The following GABRB1 variants were observed in gnomAD, a reference collection of about 807,000 sequenced individuals.
GABRB1 encodes the protein gamma-aminobutyric acid type A receptor subunit beta1, also known as gamma-aminobutyric acid receptor subunit beta-1.
In GABRB1, 17 loss-of-function variants were observed where a neutral mutation model predicts 51.6. The observed-to-expected ratio is 0.33, with a 90% CI of 0.23 to 0.49. GABRB1 has a LOEUF of 0.49. Ranked by LOEUF, GABRB1 falls within the 20% of genes least tolerant of loss-of-function variation. GABRB1 has a pLI of 0.99. For missense variants in GABRB1, 410 were observed against 600.6 expected, an observed-to-expected ratio of 0.68 and a Z score of 3.32; for synonymous variants, 247 against 218.9, an observed-to-expected ratio of 1.13 and a Z score of -1.14.
At chr4:47,113,283 G>A (rs973708360) in intron 3 of GABRB1, among the ~76,000 whole-genome samples, 3 of 151,910 alleles carry the variant, frequency 2.0e-5, no homozygotes, top group African/African-American at 7.3e-5. Context: ...CTACTCCAGA[G>A]GCTGAGGAAG....
chr4:47,018,349 G>A (rs1007369324), intron 1 of GABRB1, among the ~76,000 whole-genome samples: 1 of 151,960 alleles, frequency 6.6e-6, no homozygotes, highest in African/African-American at 2.4e-5. Context: ...ACCATGCCTG[G>A]CCTTCTTTTC....
chr4:47,264,856 G>T (rs1404014512), intron 4 of GABRB1, among the ~76,000 whole-genome samples: 1 of 152,096 alleles, frequency 6.6e-6, no homozygotes, highest in East Asian at 1.9e-4. Flanking sequence ...TCTGCTTTTT[G>T]TCACTATAAA....
chr4:47,324,936 T>C (rs1725205659), intron 5 of GABRB1, among the ~76,000 whole-genome samples: 1 of 152,212 alleles, frequency 6.6e-6, no homozygotes, highest in South Asian at 2.1e-4. Flanking sequence ...TCTATTCTAC[T>C]TGCAAAATAT....
chr4:47,368,198 C>T (rs1316266915), intron 5 of GABRB1, among the ~76,000 whole-genome samples: 1 of 152,152 alleles, frequency 6.6e-6, no homozygotes, highest in Non-Finnish European at 1.5e-5. Flanking sequence ...GTATATGCAG[C>T]CTAACTAGGA....
chr4:47,273,085 C>T (rs1320969761), intron 4 of GABRB1, among the ~76,000 whole-genome samples: 1 of 152,050 alleles, frequency 6.6e-6, no homozygotes, highest in East Asian at 1.9e-4. Context: ...AGGAAAAAAG[C>T]CAAAAGACAA....
intron 4 of GABRB1, among the ~76,000 whole-genome samples, chr4:47,246,623 G>T (rs1193306054): frequency 2.0e-5 from 3 of 151,388 alleles, no homozygotes; most frequent in Non-Finnish European, 3.0e-5. Flanking sequence ...CACAGTGGTT[G>T]TACTAGTTTA....
At chr4:47,222,129 A>G (rs934224369) in intron 4 of GABRB1, among the ~76,000 whole-genome samples, 4 of 152,176 alleles carry the variant, frequency 2.6e-5, no homozygotes, top group Non-Finnish European at 5.9e-5. Context: ...AAAGCAAAGC[A>G]TCATCTCCAT....
intron 3 of GABRB1, among the ~76,000 whole-genome samples, chr4:47,117,741 A>G (rs149074939): frequency 9.8e-5 from 15 of 152,328 alleles, no homozygotes; most frequent in African/African-American, 3.4e-4. Context: ...ATCTTTTTAT[A>G]TAATAAAGGT....
At chr4:47,093,456 C>T (rs1395461687) in intron 3 of GABRB1, among the ~76,000 whole-genome samples, 1 of 152,126 alleles carries the variant, frequency 6.6e-6, no homozygotes, top group Non-Finnish European at 1.5e-5. Flanking sequence ...TCTCCTCCTC[C>T]CCAAAACAAA....
intron 8 of GABRB1, among the ~76,000 whole-genome samples, chr4:47,412,556 C>A (rs1163611880): frequency 6.6e-6 from 1 of 152,108 alleles, no homozygotes; most frequent in Non-Finnish European, 1.5e-5. Flanking sequence ...TACATGTAAT[C>A]TTTAAAGGAG....
chr4:47,406,412 T>G (rs1728569181), intron 7 of GABRB1, among the ~76,000 whole-genome samples: 1 of 152,262 alleles, frequency 6.6e-6, no homozygotes, highest in Non-Finnish European at 1.5e-5. Flanking sequence ...CTTTTCCATC[T>G]GCTTTTGTTT....
At chr4:47,102,464 G>A (rs1714765437) in intron 3 of GABRB1, among the ~76,000 whole-genome samples, 1 of 151,976 alleles carries the variant, frequency 6.6e-6, no homozygotes, top group Admixed American at 6.6e-5. Context: ...ATATATGAAA[G>A]GGAAGAGTGC....
At chr4:47,401,197 G>A (rs1275027939) in intron 5 of GABRB1, among the ~76,000 whole-genome samples, 1 of 152,010 alleles carries the variant, frequency 6.6e-6, no homozygotes, top group Non-Finnish European at 1.5e-5. Context: ...CTTTTCCTTT[G>A]AGTAGATACC....
At position 47,407,021 on chromosome 4, in the gene GABRB1, AT is replaced by A. The variant is rs765453753; in HGVS notation, c.1080+96del. 1.9e-4 allele frequency: 234 copies of A among 1,204,736 alleles called. 1 individual carries two copies. The highest frequency in any genetic ancestry group is 3.7e-4 in the Admixed American group (15 of 40,034). 74.6% of individuals were successfully genotyped at this position (1,204,736 alleles called of 1,614,324 possible). On this transcript the variant is annotated intron_variant, in intron 8 of 8. Transcript: ENST00000295454. ...TAACTTAAAAACGATTAATAAAAAA[AT>A]AGTTGATATTTAATAAGACTCAACC...
intron 4 of GABRB1, among the ~76,000 whole-genome samples, chr4:47,269,878 T>C (rs1299470179): frequency 6.6e-6 from 1 of 151,456 alleles, no homozygotes; most frequent in African/African-American, 2.4e-5. Context: ...ACTTAATTTT[T>C]ACATTATTCA....
chr4:47,090,184 T>C (rs1434693949), intron 3 of GABRB1, among the ~76,000 whole-genome samples: 3 of 152,226 alleles, frequency 2.0e-5, no homozygotes, highest in African/African-American at 7.2e-5. Flanking sequence ...AAATAAGTTG[T>C]TTACTTTTAT....
intron 4 of GABRB1, among the ~76,000 whole-genome samples, chr4:47,239,177 T>A (rs1463650427): frequency 6.6e-6 from 1 of 152,214 alleles, no homozygotes; most frequent in Non-Finnish European, 1.5e-5. Context: ...CATGTAACTA[T>A]CTCAATCAAG....
intron 3 of GABRB1, among the ~76,000 whole-genome samples, chr4:47,037,405 T>C (rs1006570169): frequency 1.3e-5 from 2 of 152,176 alleles, no homozygotes; most frequent in African/African-American, 4.8e-5. Flanking sequence ...ATTTTATTCT[T>C]ATATGAGTAA....
In GABRB1 at chr4:47,092,165, C is replaced by CTTTCT. The variant is rs1266241414; in HGVS notation, c.240+59684_240+59685insCTTTT. 9.9e-5 allele frequency among the ~76,000 whole-genome samples: 6 copies of CTTTCT among 60,504 alleles called. No homozygotes were observed. In the Admixed American group the frequency reaches 1.0e-3, roughly 11 times the overall value. The allele number at this position is 60,504 out of a possible 152,430, so 39.7% of individuals were successfully genotyped here. A position where few individuals can be genotyped will look rare whatever the true frequency, so the allele number is the denominator to read the frequency against. On this transcript the variant is annotated intron_variant, in intron 3 of 8. Transcript: ENST00000295454. ...TTTTTCTTTCTTTCTTTCTTTCTTT[C>CTTTCT]TTTTTTTTTTTTTTTTTTTTTTTTG...
Sources: allele counts gnomAD v4.1 joint callset (sites outside exome capture counted in the v4.1 genomes callset), GRCh38; gene constraint gnomAD v4.1.1; transcripts MANE v1.5; gene names NCBI Gene and HGNC (gene_info 2026-07-23, HGNC 2026-07-21).